Variants in ANKRD29 observed in about 807,000 individuals in gnomAD.
ANKRD29 encodes the protein ankyrin repeat domain-containing protein 29.
ANKRD29 carries 32 observed loss-of-function variants against 38.0 expected under a neutral mutation model. The observed-to-expected ratio is 0.84, with a 90% CI of 0.64 to 1.13. ANKRD29 has a LOEUF of 1.13. Among genes scored for constraint, ANKRD29 ranks in the 50% most tolerant of loss-of-function variants. The pLI is 0.00. For missense variants in ANKRD29, 357 were observed against 377.9 expected (o/e 0.94, Z 0.46); for synonymous variants, 135 against 152.4 (o/e 0.89, Z 0.84).
chr18:23,626,859 G>C (rs59371064), intron 6 of ANKRD29, among the ~76,000 whole-genome samples: 15,303 of 152,184 alleles, frequency 0.1, 1,938 homozygotes, highest in African/African-American at 0.3. Flanking sequence ...AAAATGGTAG[G>C]GCTTCATAGA....
intron 9 of ANKRD29, among the ~76,000 whole-genome samples, chr18:23,603,846 CTT>C (rs914546758): frequency 7.0e-5 from 10 of 142,756 alleles, no homozygotes; most frequent in Non-Finnish European, 9.3e-5. Flanking sequence ...ATGTTTACTT[CTT>C]TTTTTTTTTT....
chr18:23,630,248 T>C (rs183818793), intron 5 of ANKRD29, among the ~76,000 whole-genome samples: 2 of 152,244 alleles, frequency 1.3e-5, no homozygotes, highest in East Asian at 3.9e-4. Context: ...AACAGGGCGA[T>C]ACCCCATCTC....
At chr18:23,660,201 T>C (rs762975624) in intron 1 of ANKRD29, among the ~76,000 whole-genome samples, 12 of 152,236 alleles carry the variant, frequency 7.9e-5, no homozygotes, top group Non-Finnish European at 1.8e-4. Context: ...TCCACATCCT[T>C]GCCAACATTC....
chr18:23,649,116 G>A lies in ANKRD29; in HGVS notation c.99C>T (p.Asn33=). The A allele has an allele frequency of 6.2e-7, 1 of 1,614,206 alleles. No individual in the cohort carries two copies. Among genetic ancestry groups the A allele is most frequent in the Non-Finnish European group, 8.5e-7 (1 of 1,180,004 alleles). Residue 33 remains asparagine, a synonymous_variant, in exon 2 of 10, where the codon AAC becomes AAT. Coordinates refer to ENST00000592179, the MANE Select transcript of ANKRD29 (RefSeq NM_173505.4). ...GNLALLKLLL[N]SGRVDVDCRD... ...TGCAGTCCACGTCCACCCGGCCGCT[G>A]TTCAACAGCAGCTTCAGCAGCGCCA...
At chr18:23,656,312 T>G (rs940316968) in intron 1 of ANKRD29, among the ~76,000 whole-genome samples, 5 of 151,992 alleles carry the variant, frequency 3.3e-5, no homozygotes, top group African/African-American at 1.2e-4. Context: ...TTCTGAATCA[T>G]CAAGAAGAGC....
chr18:23,641,521 C>T (rs970834735), intron 3 of ANKRD29, among the ~76,000 whole-genome samples: 1 of 152,246 alleles, frequency 6.6e-6, no homozygotes, highest in Non-Finnish European at 1.5e-5. Flanking sequence ...TGCCCCCCAA[C>T]CTTGGCCCCC....
At chr18:23,634,392 C>A (rs142704024) in intron 4 of ANKRD29, among the ~76,000 whole-genome samples, 5 of 146,648 alleles carry the variant, frequency 3.4e-5, no homozygotes, top group African/African-American at 1.0e-4. Flanking sequence ...TGGGTTCAAG[C>A]GATTCTCTTG....
chr18:23,650,922 T>C (rs1042938257), intron 1 of ANKRD29, among the ~76,000 whole-genome samples: 3 of 152,246 alleles, frequency 2.0e-5, no homozygotes, highest in African/African-American at 7.2e-5. Context: ...CATTGTTTAA[T>C]GAAAGCATTT....
Position 23,631,259 on chromosome 18 carries a change from A to G in ANKRD29, c.430-1308T>C, listed in dbSNP as rs562434541. 1.8e-3 allele frequency among the ~76,000 whole-genome samples: 257 copies of G among 141,176 alleles called. 1 individual carries two copies. Among genetic ancestry groups the G allele is most frequent in the South Asian group, 3.1e-3 (13 of 4,220 alleles). 92.6% of individuals were successfully genotyped at this position (141,176 alleles called of 152,430 possible). Reference sequence around the variant, plus strand: ...TCTCTCTTCTTTTTTTTTTTTTTTGAGACAGGGTCTCCCTCTGTCACTCAG... The same window carrying G: ...TCTCTCTTCTTTTTTTTTTTTTTTGGGACAGGGTCTCCCTCTGTCACTCAG... On this transcript the variant is annotated intron_variant, in intron 5 of 9. Transcript: ENST00000592179.
intron 8 of ANKRD29, among the ~76,000 whole-genome samples, chr18:23,612,518 T>G (rs1193630407): frequency 6.6e-6 from 1 of 152,180 alleles, no homozygotes; most frequent in Non-Finnish European, 1.5e-5. Context: ...GCCCAACATT[T>G]TTGTTCTTCA....
chr18:23,601,379 G>A, intron 9 of ANKRD29, 70 bp from the exon 10 acceptor site: 1 of 1,275,102 alleles, frequency 7.8e-7, no homozygotes, highest in Non-Finnish European at 1.1e-6. Context: ...CCAAAGAGGG[G>A]CATTTGACCC....
chr18:23,654,386 G>A (rs574940443), intron 1 of ANKRD29, among the ~76,000 whole-genome samples: 4 of 151,966 alleles, frequency 2.6e-5, no homozygotes, highest in South Asian at 2.1e-4. Context: ...TTAGGAGGCT[G>A]AGGTAGGCAG....
chr18:23,653,613 C>T (rs2060238457), intron 1 of ANKRD29, among the ~76,000 whole-genome samples: 1 of 150,650 alleles, frequency 6.6e-6, no homozygotes, highest in African/African-American at 2.4e-5. Flanking sequence ...CCTCTCCTTC[C>T]CTTCCCTCTT....
chr18:23,610,714 C>T (rs975554647), intron 9 of ANKRD29, among the ~76,000 whole-genome samples: 3 of 152,188 alleles, frequency 2.0e-5, no homozygotes, highest in African/African-American at 7.2e-5. Context: ...TCTACTCCGT[C>T]GTTCAGGGTG....
At chr18:23,655,505 C>T (rs185859126) in intron 1 of ANKRD29, among the ~76,000 whole-genome samples, 25 of 152,046 alleles carry the variant, frequency 1.6e-4, no homozygotes, top group South Asian at 6.2e-4. Context: ...AGTGCAGTGG[C>T]GTGATCTCGA....
At chr18:23,636,602 G>A (rs2145701332) in intron 4 of ANKRD29, among the ~76,000 whole-genome samples, 1 of 151,392 alleles carries the variant, frequency 6.6e-6, no homozygotes, top group East Asian at 2.0e-4. Flanking sequence ...TTTAGACAGG[G>A]TTTCACTCTC....
intron 9 of ANKRD29, among the ~76,000 whole-genome samples, chr18:23,610,467 ACT>A (rs1161032324): frequency 6.6e-6 from 1 of 151,876 alleles, no homozygotes; most frequent in Non-Finnish European, 1.5e-5. Flanking sequence ...ACAGAGTGAG[ACT>A]CTGTCTCAAA....
chr18:23,625,037 G>A (rs7244530), intron 6 of ANKRD29, among the ~76,000 whole-genome samples: 6,564 of 152,204 alleles, frequency 0.043, 290 homozygotes, highest in African/African-American at 0.11. Flanking sequence ...ATTTCCAGCC[G>A]TCACACTTGG....
At position 23,630,883 on chromosome 18, in the gene ANKRD29, C is replaced by T. The variant is rs1216332830; in HGVS notation, c.430-932G>A. 2.1e-5 allele frequency among the ~76,000 whole-genome samples: 3 copies of T among 142,494 alleles called. No homozygotes were observed. The Admixed American group carries it at 2.3e-4, about 11-fold the overall frequency. 93.5% of individuals were successfully genotyped at this position (142,494 alleles called of 152,430 possible). On this transcript the variant is annotated intron_variant, in intron 5 of 9. Transcript: ENST00000592179. ...TGGGGGCACTGAGGCAGGAGGATCA[C>T]TTGAGCCTGGGAAGTTGAGGTTACA... is the stretch of plus-strand genomic sequence containing the variant.
Sources: gnomAD v4.1 joint callset for allele counts (sites outside exome capture counted in the v4.1 genomes callset) on GRCh38, gnomAD v4.1.1 for gene constraint, MANE v1.5 for transcripts, NCBI Gene and HGNC (gene_info 2026-07-23, HGNC 2026-07-21) for gene names.